Variants in KCNMB2 observed in about 807,000 individuals in gnomAD.
KCNMB2 encodes the protein calcium-activated potassium channel subunit beta-2.
KCNMB2 carries 9 observed loss-of-function variants against 24.5 expected under a neutral mutation model. The observed-to-expected ratio is 0.37, with a 90% CI of 0.22 to 0.64. KCNMB2 has a LOEUF of 0.64. KCNMB2 is among the 30% of genes least tolerant of loss of function. The pLI, the probability that KCNMB2 is intolerant of heterozygous loss-of-function variation, is 0.63. For synonymous variants in KCNMB2, 109 were observed against 104.4 expected (o/e 1.04, Z -0.27); for missense variants, 226 against 284.3 (o/e 0.79, Z 1.47).
chr3:178,671,914 G>A (rs4578999), intron 1 of KCNMB2, among the ~76,000 whole-genome samples: 108,480 of 152,064 alleles, frequency 0.71, 39,111 homozygotes, highest in African/African-American at 0.85. Context: ...ATGGAAACAG[G>A]GACACTGCAT....
chr3:178,769,571 A>T (rs1434292655), intron 1 of KCNMB2, among the ~76,000 whole-genome samples: 3 of 152,248 alleles, frequency 2.0e-5, no homozygotes, highest in Non-Finnish European at 4.4e-5. Flanking sequence ...TCCATTAATA[A>T]TATTCCAGAA....
chr3:178,567,329 G>A lies in KCNMB2; in HGVS notation c.-68+30618G>A, dbSNP rs544521224. Among the ~76,000 whole-genome samples the A allele has an allele frequency of 4.6e-5, 7 of 152,282 alleles. No homozygotes were observed. In the South Asian group the frequency reaches 1.2e-3, roughly 27 times the overall value. Reference sequence around the variant, plus strand: ...AAAATTACCTGAGACATAGAAAACAGTTGGGGAGGAAGTCCTGAGCAACAA... The same window carrying A: ...AAAATTACCTGAGACATAGAAAACAATTGGGGAGGAAGTCCTGAGCAACAA... On this transcript the variant is annotated intron_variant, in intron 1 of 4. Coordinates refer to ENST00000452583, the MANE Select transcript of KCNMB2 (RefSeq NM_181361.3).
At chr3:178,794,101 A>T (rs1425380109) in intron 1 of KCNMB2, among the ~76,000 whole-genome samples, 2 of 152,186 alleles carry the variant, frequency 1.3e-5, no homozygotes, top group Non-Finnish European at 2.9e-5. Flanking sequence ...GGCCCCAGGT[A>T]CAGAGGTGAA....
chr3:178,575,128 C>T (rs959872894), intron 1 of KCNMB2, among the ~76,000 whole-genome samples: 2 of 152,032 alleles, frequency 1.3e-5, no homozygotes, highest in East Asian at 1.9e-4. Flanking sequence ...TTGTAAGAGG[C>T]CATAATAAAA....
chr3:178,792,070 C>A (rs913977769), intron 1 of KCNMB2, among the ~76,000 whole-genome samples: 13 of 152,024 alleles, frequency 8.6e-5, no homozygotes, highest in African/African-American at 3.1e-4. Flanking sequence ...CTGAAAACAG[C>A]AAGTACACAG....
In KCNMB2 at chr3:178,553,452, T is replaced by A. The variant is rs370112844; in HGVS notation, c.-68+16741T>A. ...ACTCAAATGCAAGAAATGATGGGAATTGTGACCCAGACACAGAAAGAGAGT... is the reference window on the plus strand; with the variant it reads ...ACTCAAATGCAAGAAATGATGGGAAATGTGACCCAGACACAGAAAGAGAGT... On this transcript the variant is annotated intron_variant, in intron 1 of 4. Coordinates refer to ENST00000452583, the MANE Select transcript of KCNMB2 (RefSeq NM_181361.3). Among the ~76,000 whole-genome samples, 49 of 151,984 alleles carry A rather than the reference T, an allele frequency of 3.2e-4. No homozygotes were observed. In the South Asian group the frequency reaches 1.0e-2, roughly 31 times the overall value.
chr3:178,625,304 C>T (rs763054825), intron 1 of KCNMB2, among the ~76,000 whole-genome samples: 26 of 152,172 alleles, frequency 1.7e-4, no homozygotes, highest in African/African-American at 2.2e-4. Context: ...GGGGTGGGGG[C>T]GGGGAGAAGA....
intron 1 of KCNMB2, among the ~76,000 whole-genome samples, chr3:178,763,900 A>G (rs915397042): frequency 1.5e-4 from 23 of 152,186 alleles, no homozygotes; most frequent in Non-Finnish European, 2.2e-4. Context: ...CTAAGTTAAC[A>G]TTCACAGGAT....
At chr3:178,745,220 T>C (rs1448373221) in intron 1 of KCNMB2, among the ~76,000 whole-genome samples, 4 of 152,162 alleles carry the variant, frequency 2.6e-5, no homozygotes, top group Admixed American at 1.3e-4. Flanking sequence ...GAGGTTTAAT[T>C]GGACTTACAG....
chr3:178,674,040 C>T (rs1008724132), intron 1 of KCNMB2, among the ~76,000 whole-genome samples: 1 of 152,154 alleles, frequency 6.6e-6, no homozygotes, highest in Admixed American at 6.6e-5. Context: ...ATCTCAGAAA[C>T]ATTTGACACC....
At chr3:178,538,833 A>T (rs1715494138) in intron 1 of KCNMB2, among the ~76,000 whole-genome samples, 3 of 152,250 alleles carry the variant, frequency 2.0e-5, no homozygotes, top group Middle Eastern at 3.4e-3. Context: ...TAGTCAAAAC[A>T]ATCTACTTTA....
chr3:178,788,644 T>C (rs1713202097), intron 1 of KCNMB2, among the ~76,000 whole-genome samples: 2 of 152,230 alleles, frequency 1.3e-5, no homozygotes, highest in South Asian at 2.1e-4. Flanking sequence ...ATTTGTGTCA[T>C]ATAATTACTA....
At chr3:178,758,690 C>A (rs867240304) in intron 1 of KCNMB2, among the ~76,000 whole-genome samples, 659 of 14,650 alleles carry the variant, frequency 0.045, 78 homozygotes, top group African/African-American at 0.2. Context: ...ATATATATAT[C>A]TCTCTCTCTA....
At chr3:178,668,583 T>C (rs1720797331) in intron 1 of KCNMB2, among the ~76,000 whole-genome samples, 1 of 152,100 alleles carries the variant, frequency 6.6e-6, no homozygotes, top group South Asian at 2.1e-4. Flanking sequence ...TTTAAAGTCA[T>C]GAAGTAATGA....
intron 1 of KCNMB2, among the ~76,000 whole-genome samples, chr3:178,555,216 C>T (rs1303063033): frequency 2.6e-5 from 4 of 152,220 alleles, no homozygotes; most frequent in African/African-American, 9.6e-5. Flanking sequence ...GAACATCTTA[C>T]TCTTTCTCAA....
intron 1 of KCNMB2, among the ~76,000 whole-genome samples, chr3:178,696,918 G>C (rs892628863): frequency 6.6e-6 from 1 of 152,118 alleles, no homozygotes. Flanking sequence ...GCATGGTTTT[G>C]AGTGAATTTC....
At chr3:178,722,552 T>G (rs1420242931) in intron 1 of KCNMB2, among the ~76,000 whole-genome samples, 2 of 152,150 alleles carry the variant, frequency 1.3e-5, no homozygotes, top group Non-Finnish European at 2.9e-5. Context: ...ATAACGACAT[T>G]AATCTATTCA....
chr3:178,582,359 G>A (rs11923302), intron 1 of KCNMB2, among the ~76,000 whole-genome samples: 4,086 of 152,204 alleles, frequency 0.027, 180 homozygotes, highest in African/African-American at 0.092. Flanking sequence ...CAGGGCCTGT[G>A]GCGGGGTGGG....
intron 1 of KCNMB2, among the ~76,000 whole-genome samples, chr3:178,551,542 A>G (rs1715953828): frequency 6.6e-6 from 1 of 152,194 alleles, no homozygotes; most frequent in Non-Finnish European, 1.5e-5. Flanking sequence ...TTGGAGGGAA[A>G]ATCCTTGGAG....
Sources: gnomAD v4.1 joint callset for allele counts (sites outside exome capture counted in the v4.1 genomes callset) on GRCh38, gnomAD v4.1.1 for gene constraint, MANE v1.5 for transcripts, NCBI Gene and HGNC (gene_info 2026-07-23, HGNC 2026-07-21) for gene names.